Variants in RNF213 observed in about 807,000 individuals in gnomAD.
The protein encoded by RNF213 is E3 ubiquitin-protein ligase RNF213.
A neutral mutation model predicts 514.4 loss-of-function variants in RNF213; 341 were observed. The observed-to-expected ratio is 0.66, with a 90% CI of 0.61 to 0.73. The LOEUF (loss-of-function observed/expected upper bound fraction) is 0.73. Ranked by LOEUF, RNF213 falls within the 30% of genes least tolerant of loss-of-function variation. The probability of loss-of-function intolerance (pLI) is 0.00; values close to 1 mark genes in which losing one functional copy is unlikely to be tolerated. For missense variants in RNF213, 5,767 were observed against 6,615.6 expected, an observed-to-expected ratio of 0.87 and a Z score of 4.45; for synonymous variants, 2,655 against 2,658.2, an observed-to-expected ratio of 1.00 and a Z score of 0.04.
At chr17:80,369,889 G>A (rs1363381627) in intron 46 of RNF213, 22 bp downstream of exon 46, 1 of 1,521,498 alleles carries the variant, frequency 6.6e-7, no homozygotes, top group East Asian at 2.2e-5. Flanking sequence ...ATGGAGACTT[G>A]CTTCTGGAAA....
chr17:80,323,285 A>T (rs993126576), intron 17 of RNF213, among the ~76,000 whole-genome samples: 2 of 152,190 alleles, frequency 1.3e-5, no homozygotes, highest in Admixed American at 6.5e-5. Flanking sequence ...TTGGACTACC[A>T]TTGCTTTCTA....
rs1161569283 is a variant in RNF213, at chr17:80,299,076, C to G, written c.2210+558C>G. Among the ~76,000 whole-genome samples, 3 of 152,276 alleles carry G rather than the reference C, an allele frequency of 2.0e-5. No homozygotes were observed. In the East Asian group the frequency reaches 5.8e-4, roughly 29 times the overall value. On this transcript the variant is annotated intron_variant, in intron 11 of 67. Transcript: ENST00000582970. ...GTGGCATACCTATTTGTGGTTTTGT[C>G]CAAATATGGATTCGTGGGTGTTTTA...
intron 11 of RNF213, among the ~76,000 whole-genome samples, chr17:80,299,766 C>CCTGTGTTCT (rs2045106572): frequency 6.6e-6 from 1 of 152,036 alleles, no homozygotes; most frequent in South Asian, 2.1e-4. Context: ...TCTATGTGTC[C>CCTGTGTTCT]CTGTGTTCTC....
chr17:80,376,967 A>C lies in RNF213; in HGVS notation c.13510+4A>C. On this transcript the variant is annotated splice_donor_region_variant and intron_variant, in intron 53 of 67. Coordinates refer to ENST00000582970, the MANE Select transcript of RNF213 (RefSeq NM_001256071.3). ...CTGGAGCGAGTCCACTGGTACAGTAAGTGTTGGGGTCTAGATGACCCCACA... is the reference window on the plus strand; with the variant it reads ...CTGGAGCGAGTCCACTGGTACAGTACGTGTTGGGGTCTAGATGACCCCACA... The C allele has an allele frequency of 6.2e-7, 1 of 1,611,512 alleles. No homozygotes were observed. Among genetic ancestry groups the C allele is most frequent in the Non-Finnish European group, 8.5e-7 (1 of 1,177,856 alleles).
chr17:80,346,845 A>G lies in RNF213; in HGVS notation c.8510A>G (p.Tyr2837Cys), dbSNP rs2078329309. The G allele has an allele frequency of 1.9e-6, 3 of 1,614,008 alleles. No homozygotes were observed. The highest frequency in any genetic ancestry group is 1.3e-5 in the African/African-American group (1 of 74,912). ...CAGCAGGGGAAGGACCTGCAGCAGT[A>G]CGTCTCTGTGGTGGTGTTAGATGAG... ...RFQQGKDLQQ[Y>C]VSVVVLDEVG... is the part of the protein sequence containing the mutation. The change falls in exon 29 of 68, where the codon TAC becomes TGC. Residue 2837 changes from tyrosine to cysteine, a missense_variant. Coordinates refer to ENST00000582970, the MANE Select transcript of RNF213 (RefSeq NM_001256071.3). The surrounding 1 kb of genome is among the most constrained non-coding windows in gnomAD (Gnocchi z 8.1).
At chr17:80,283,455 AGT>A (rs1320776054) in intron 3 of RNF213, among the ~76,000 whole-genome samples, 17 of 152,252 alleles carry the variant, frequency 1.1e-4, no homozygotes, top group Non-Finnish European at 2.1e-4. Context: ...TCTCTCCTGC[AGT>A]TGCGTCTGCG....
At chr17:80,316,945 G>A (rs767143436) in intron 15 of RNF213, among the ~76,000 whole-genome samples, 4 of 152,218 alleles carry the variant, frequency 2.6e-5, no homozygotes, top group Admixed American at 1.3e-4. Flanking sequence ...ATAAAAAGCC[G>A]GTTGTGCAGT....
chr17:80,355,262 C>G, intron 36 of RNF213: 1 of 454,816 alleles, frequency 2.2e-6, no homozygotes. Context: ...GTGATAGGTT[C>G]GCTTTGGGCC....
intron 32 of RNF213, 77 bp downstream of exon 32, chr17:80,351,880 G>A (rs1344066235): frequency 1.2e-6 from 1 of 841,032 alleles, no homozygotes; most frequent in Non-Finnish European, 2.0e-6. Context: ...TTTTGAGATG[G>A]AGTCTTGCTC....
At chr17:80,302,691 C>CA (rs965135029) in intron 11 of RNF213, among the ~76,000 whole-genome samples, 3 of 151,838 alleles carry the variant, frequency 2.0e-5, no homozygotes, top group African/African-American at 4.8e-5. Flanking sequence ...CCAGTTTCTA[C>CA]AAAAAAACAA....
rs886088028 is a variant in RNF213 at position 80,288,138 on chromosome 17, A to G, written c.585A>G (p.Gln195=). The G allele has an allele frequency of 7.5e-5, 121 of 1,609,560 alleles. No individual in the cohort carries two copies. The highest frequency in any genetic ancestry group is 9.5e-5 in the Non-Finnish European group (112 of 1,177,208). Reference sequence around the variant, plus strand: ...GAAGTGAGGCTCAGAGCAGCCCGCAATTCCAGGACCACACGGAAGGGGAGG... The same window carrying G: ...GAAGTGAGGCTCAGAGCAGCCCGCAGTTCCAGGACCACACGGAAGGGGAGG... ...ATGSEAQSSP[Q]FQDHTEGEDQ... Residue 195 remains glutamine (Q), a synonymous_variant, in exon 4 of 68, where the codon CAA becomes CAG. Transcript: ENST00000582970. The surrounding 1 kb of genome is among the most constrained non-coding windows in gnomAD (Gnocchi z 4.9).
rs1334835050 is a variant in RNF213 at position 80,294,977 on chromosome 17, A to C, written c.1729A>C (p.Thr577Pro). The change falls in exon 9 of 68, where the codon ACC becomes CCC. Residue 577 changes from threonine (T) to proline (P), a missense_variant. Around this residue, in one of 13 missense-constraint regions of RNF213, gnomAD observed 592 missense variants for 673.9 expected, o/e 0.88. Coordinates refer to ENST00000582970, the MANE Select transcript of RNF213 (RefSeq NM_001256071.3). ...MIYEGQAQLW[T>P]DLQYREKEVK... The stretch of plus-strand genomic sequence containing the variant: ...TTATGAAGGACAGGCACAGCTGTGG[A>C]CCGATTTGCAGTACAGGGAGAAAGA... The C allele has an allele frequency of 6.2e-7, 1 of 1,614,168 alleles. No homozygotes were observed.
chr17:80,385,485 C>T, intron 60 of RNF213, 53 bp from the exon 61 acceptor site: 1 of 1,528,822 alleles, frequency 6.5e-7, no homozygotes, highest in Non-Finnish European at 9.1e-7. Context: ...GGTGGTTTGG[C>T]CCTTTCAGGG....
chr17:80,377,730 A>C lies in RNF213; in HGVS notation c.13511-32A>C, dbSNP rs771281742. 2 of 1,613,898 alleles carry C rather than the reference A, an allele frequency of 1.2e-6. No individual in the cohort carries two copies. Among genetic ancestry groups the C allele is most frequent in the Admixed American group, 3.3e-5 (2 of 60,020 alleles). ...AATGTGGGTCATTGGGTGAAACCTC[A>C]TTAGCCAATGTGTGTCCTGTTCTCT... On this transcript the variant is annotated intron_variant, in intron 53 of 67. Coordinates refer to ENST00000582970, the MANE Select transcript of RNF213 (RefSeq NM_001256071.3). The surrounding 1 kb of genome is among the most constrained non-coding windows in gnomAD (Gnocchi z 4.1).
At chr17:80,283,740 T>G (rs995869047) in intron 3 of RNF213, among the ~76,000 whole-genome samples, 2 of 152,150 alleles carry the variant, frequency 1.3e-5, no homozygotes, top group Non-Finnish European at 2.9e-5. Context: ...GTCAGGGGCC[T>G]GCCTCAGTGG....
At chr17:80,307,755 G>A (rs2045419619) in intron 13 of RNF213, among the ~76,000 whole-genome samples, 1 of 151,778 alleles carries the variant, frequency 6.6e-6, no homozygotes. Context: ...TCACCATGTT[G>A]GCCAGGCTGG....
At chr17:80,296,391 T>C (rs2044948262) in intron 10 of RNF213, among the ~76,000 whole-genome samples, 1 of 152,220 alleles carries the variant, frequency 6.6e-6, no homozygotes, top group African/African-American at 2.4e-5. Context: ...TAGGAGGTTG[T>C]GGCGTGACGC....
rs904736220 is a variant in RNF213 at position 80,263,591 on chromosome 17, G to A, written c.-91G>A. 4.7e-5 allele frequency: 48 copies of A among 1,031,956 alleles called. No homozygotes were observed. Among genetic ancestry groups the A allele is most frequent in the Non-Finnish European group, 6.8e-5 (44 of 649,862 alleles). 63.9% of individuals were successfully genotyped at this position (1,031,956 alleles called of 1,614,324 possible). A position where few individuals can be genotyped will look rare whatever the true frequency, so the allele number is the denominator to read the frequency against. The stretch of plus-strand genomic sequence containing the variant: ...TTTCGCAGAAAATGAAACTGAAGCC[G>A]TGGTCACGTGACAGGACATGTAGTA... On this transcript the variant is annotated 5_prime_UTR_variant, in exon 2 of 68. It adds an upstream start codon to the 5' untranslated region. Coordinates refer to ENST00000582970, the MANE Select transcript of RNF213 (RefSeq NM_001256071.3). The surrounding 1 kb of genome is among the most constrained non-coding windows in gnomAD (Gnocchi z 4.9).
In RNF213 at chr17:80,368,062, T is replaced by C. The variant is rs943443681; in HGVS notation, c.12074T>C (p.Phe4025Ser). ...VHCLRCLRAW[F>S]ASEQMICPYC... The stretch of plus-strand genomic sequence containing the variant: ...TGCCTGCGCTGCCTCAGGGCCTGGT[T>C]TGCCTCAGAGCAGATGATATGCCCC... The change falls in exon 44 of 68, where the codon TTT (phenylalanine) becomes TCT (serine). Residue 4025 changes from phenylalanine to serine, a missense_variant. Phe to Ser is a radical substitution (Grantham distance 155). Coordinates refer to ENST00000582970, the MANE Select transcript of RNF213 (RefSeq NM_001256071.3). The C allele has an allele frequency of 6.2e-7, 1 of 1,614,148 alleles. No homozygotes were observed. The highest frequency in any genetic ancestry group is 8.5e-7 in the Non-Finnish European group (1 of 1,180,050).
Sources: allele counts gnomAD v4.1 joint callset (sites outside exome capture counted in the v4.1 genomes callset), GRCh38; gene constraint gnomAD v4.1.1; regional missense constraint gnomAD v4.1.1; non-coding constraint Gnocchi (gnomAD v3.1); transcripts MANE v1.5; gene names NCBI Gene and HGNC (gene_info 2026-07-23, HGNC 2026-07-21).